The following MTUS2 variants were observed in gnomAD, a reference collection of about 807,000 sequenced individuals.
MTUS2 encodes the protein microtubule associated scaffold protein 2, also known as microtubule-associated tumor suppressor candidate 2.
A neutral mutation model predicts 114.1 loss-of-function variants in MTUS2; 40 were observed. That is an observed-to-expected ratio of 0.35 (90% CI 0.27 to 0.46). The LOEUF (loss-of-function observed/expected upper bound fraction) is 0.46, where lower values mean the gene tolerates loss of function less well. Among genes scored for constraint, MTUS2 ranks in the 20% least tolerant of loss-of-function variants. The pLI is 1.00. For missense variants in MTUS2, 1,679 were observed against 1,705.4 expected, an observed-to-expected ratio of 0.98 and a Z score of 0.27; for synonymous variants, 688 against 672.0, an observed-to-expected ratio of 1.02 and a Z score of -0.37.
intron 2 of MTUS2, among the ~76,000 whole-genome samples, chr13:28,960,353 A>T (rs528832702): frequency 6.6e-6 from 1 of 152,332 alleles, no homozygotes; most frequent in East Asian, 1.9e-4. Context: ...TAGAGTTATC[A>T]TATGACTCAG....
intron 2 of MTUS2, among the ~76,000 whole-genome samples, chr13:29,002,220 C>T (rs1885416441): frequency 6.6e-6 from 1 of 152,202 alleles, no homozygotes; most frequent in Non-Finnish European, 1.5e-5. Flanking sequence ...AGCCTACCTT[C>T]CTTCACTTCA....
chr13:29,282,290 C>T (rs892118718), intron 6 of MTUS2, among the ~76,000 whole-genome samples: 2 of 152,212 alleles, frequency 1.3e-5, no homozygotes, highest in African/African-American at 4.8e-5. Flanking sequence ...CCTGCTGGCT[C>T]TAGGCTCACA....
intron 4 of MTUS2, among the ~76,000 whole-genome samples, chr13:29,054,928 C>G (rs1036121778): frequency 6.6e-6 from 1 of 151,914 alleles, no homozygotes; most frequent in Non-Finnish European, 1.5e-5. Context: ...TCCATATGTT[C>G]AGGGAACACG....
At chr13:29,098,637 A>G (rs1425985496) in intron 4 of MTUS2, among the ~76,000 whole-genome samples, 1 of 152,188 alleles carries the variant, frequency 6.6e-6, no homozygotes, top group South Asian at 2.1e-4. Flanking sequence ...TTCCAGTGCT[A>G]CTTTTCTACT....
chr13:29,226,220 C>T (rs765815853), intron 5 of MTUS2, among the ~76,000 whole-genome samples: 1 of 152,034 alleles, frequency 6.6e-6, no homozygotes, highest in Non-Finnish European at 1.5e-5. Context: ...TTAAAAGATA[C>T]ATGTTTAAAA....
intron 7 of MTUS2, among the ~76,000 whole-genome samples, chr13:29,345,805 G>A (rs1327485077): frequency 6.6e-6 from 1 of 152,128 alleles, no homozygotes; most frequent in Non-Finnish European, 1.5e-5. Flanking sequence ...AAGATTTGGG[G>A]CTGAAGGGCT....
intron 2 of MTUS2, among the ~76,000 whole-genome samples, chr13:28,845,639 T>C (rs1488902038): frequency 6.6e-6 from 1 of 151,906 alleles, no homozygotes; most frequent in African/African-American, 2.4e-5. Context: ...GTCCCTGTTA[T>C]GTTCCCTCTC....
At chr13:29,206,837 A>G (rs771794585) in intron 5 of MTUS2, among the ~76,000 whole-genome samples, 4 of 152,170 alleles carry the variant, frequency 2.6e-5, no homozygotes, top group Admixed American at 6.5e-5. Context: ...GAAGTCAGGT[A>G]ATGTGTTGCC....
intron 2 of MTUS2, among the ~76,000 whole-genome samples, chr13:29,015,145 A>G (rs949313227): frequency 6.6e-6 from 1 of 152,362 alleles, no homozygotes; most frequent in Admixed American, 6.5e-5. Flanking sequence ...TTTGGAGATG[A>G]TAGAACTATA....
intron 2 of MTUS2, among the ~76,000 whole-genome samples, chr13:28,971,100 C>A (rs11840461): frequency 6.6e-6 from 1 of 152,282 alleles, no homozygotes; most frequent in East Asian, 1.9e-4. Context: ...ATTGAAAAAT[C>A]GTGCCAGAAA....
intron 1 of MTUS2, among the ~76,000 whole-genome samples, chr13:28,822,754 C>T (rs1000508166): frequency 2.0e-5 from 3 of 152,012 alleles, no homozygotes; most frequent in Admixed American, 1.3e-4. Flanking sequence ...TATATAAACC[C>T]AAGGTTCCAC....
At chr13:29,249,997 A>G (rs181044673) in intron 5 of MTUS2, among the ~76,000 whole-genome samples, 191 of 152,356 alleles carry the variant, frequency 1.3e-3, no homozygotes, top group African/African-American at 4.4e-3. Context: ...ACCAAAAGCA[A>G]TTGCAACAAA....
intron 5 of MTUS2, among the ~76,000 whole-genome samples, chr13:29,176,014 T>C (rs912141239): frequency 6.6e-6 from 1 of 152,164 alleles, no homozygotes; most frequent in Non-Finnish European, 1.5e-5. Flanking sequence ...AAGAGGATTT[T>C]TTTTTTCATT....
rs575295293 is a variant in MTUS2, at chr13:28,910,585, T to C, written c.-243+70735T>C. Among the ~76,000 whole-genome samples, 18 of 152,104 alleles carry C rather than the reference T, an allele frequency of 1.2e-4. No individual in the cohort carries two copies. The East Asian group carries it at 2.9e-3, about 25-fold the overall frequency. On this transcript the variant is annotated intron_variant, in intron 2 of 15. Coordinates refer to ENST00000612955, the MANE Select transcript of MTUS2 (RefSeq NM_001033602.4). ...CCCCAGTTTGTGTTGTTCCCCTCCA[T>C]GTGTTCTCATCGTTAAGCTCTCACT...
At chr13:29,146,179 A>T (rs540807057) in intron 5 of MTUS2, among the ~76,000 whole-genome samples, 270 of 152,340 alleles carry the variant, frequency 1.8e-3, no homozygotes, top group Non-Finnish European at 3.4e-3. Flanking sequence ...GTCATAAAGA[A>T]TACATCATAA....
At chr13:28,845,381 A>C (rs912623891) in intron 2 of MTUS2, among the ~76,000 whole-genome samples, 10 of 152,242 alleles carry the variant, frequency 6.6e-5, no homozygotes, top group African/African-American at 2.4e-4. Flanking sequence ...CCTAACATGC[A>C]TTGGACACTA....
At chr13:29,461,186 CAGAG>C (rs1008095963) in intron 9 of MTUS2, among the ~76,000 whole-genome samples, 1 of 150,982 alleles carries the variant, frequency 6.6e-6, no homozygotes, top group Non-Finnish European at 1.5e-5. Context: ...GAGGGCAGGA[CAGAG>C]AGAGAGAGAA....
At chr13:28,874,463 T>C (rs114281178) in intron 2 of MTUS2, among the ~76,000 whole-genome samples, 2,651 of 152,282 alleles carry the variant, frequency 0.017, 80 homozygotes, top group African/African-American at 0.061. Context: ...GCTAGGTGGC[T>C]CGCTTTTAGG....
At chr13:28,840,030 A>AT (rs369289077) in intron 2 of MTUS2, among the ~76,000 whole-genome samples, 180 bp downstream of exon 2, 76,069 of 146,912 alleles carry the variant, frequency 0.52, 20,085 homozygotes, top group African/African-American at 0.57. Context: ...TGAAAGCTTA[A>AT]TTTTTTTTTT....
Sources: gnomAD v4.1 joint callset for allele counts (sites outside exome capture counted in the v4.1 genomes callset) on GRCh38, gnomAD v4.1.1 for gene constraint, MANE v1.5 for transcripts, NCBI Gene and HGNC (gene_info 2026-07-23, HGNC 2026-07-21) for gene names.